Variants in DPP6 observed in about 807,000 individuals in gnomAD.
The protein encoded by DPP6 is A-type potassium channel modulatory protein DPP6.
In DPP6, 69 loss-of-function variants were observed where a neutral mutation model predicts 122.6. That is an observed-to-expected ratio of 0.56 (90% confidence interval 0.46 to 0.69). The LOEUF is 0.69. Ranked by LOEUF, DPP6 falls within the 30% of genes least tolerant of loss-of-function variation. DPP6 has a pLI of 0.00. For synonymous variants in DPP6, 418 were observed against 433.1 expected (o/e 0.97, Z 0.43); for missense variants, 928 against 1,116.9 (o/e 0.83, Z 2.41).
chr7:154,424,666 C>G (rs921412483), intron 1 of DPP6, among the ~76,000 whole-genome samples: 1 of 152,220 alleles, frequency 6.6e-6, no homozygotes, highest in African/African-American at 2.4e-5. Context: ...GTTCACGTAA[C>G]GTAGCCACAG....
chr7:154,682,274 G>C (rs1014052191), intron 7 of DPP6, among the ~76,000 whole-genome samples: 3 of 152,258 alleles, frequency 2.0e-5, no homozygotes, highest in African/African-American at 7.2e-5. Context: ...AAGGAAGATA[G>C]AGAGTGCTCC....
chr7:154,883,456 CCATA>C (rs1805640507), intron 21 of DPP6: 1 of 119,654 alleles, frequency 8.4e-6, no homozygotes, highest in South Asian at 2.9e-4. Flanking sequence ...ACATGCTCAC[CCATA>C]CACTTGTTCA....
chr7:154,200,481 C>CT (rs1473447608), intron 1 of DPP6, among the ~76,000 whole-genome samples: 1 of 152,074 alleles, frequency 6.6e-6, no homozygotes, highest in East Asian at 1.9e-4. Flanking sequence ...AGACCTGAGT[C>CT]TTTAATAAAC....
chr7:154,505,726 A>G (rs1586482077), intron 3 of DPP6, among the ~76,000 whole-genome samples: 2 of 152,188 alleles, frequency 1.3e-5, no homozygotes, highest in East Asian at 1.9e-4. Context: ...TCACATATCT[A>G]AGGAACAGGC....
chr7:154,817,400 G>C (rs1337621674), intron 16 of DPP6, among the ~76,000 whole-genome samples: 2 of 152,168 alleles, frequency 1.3e-5, no homozygotes, highest in Non-Finnish European at 2.9e-5. Context: ...AACATCATGA[G>C]TGATTTATGA....
intron 1 of DPP6, among the ~76,000 whole-genome samples, chr7:153,922,009 C>T (rs7795571): frequency 0.3 from 46,068 of 152,080 alleles, 6,919 homozygotes; most frequent in Admixed American, 0.35. Context: ...CTATCAGAGC[C>T]GACGGCTTTG....
intron 10 of DPP6, among the ~76,000 whole-genome samples, chr7:154,789,305 T>C (rs980019639): frequency 1.3e-5 from 2 of 152,244 alleles, no homozygotes; most frequent in African/African-American, 4.8e-5. Flanking sequence ...CATGGAAAAT[T>C]ACAATCTTCC....
intron 1 of DPP6, among the ~76,000 whole-genome samples, chr7:154,389,204 G>A (rs1202806245): frequency 6.6e-6 from 1 of 152,152 alleles, no homozygotes; most frequent in Non-Finnish European, 1.5e-5. Flanking sequence ...GAGCACCTGG[G>A]AGGAAAGCAG....
intron 10 of DPP6, among the ~76,000 whole-genome samples, chr7:154,783,170 C>T (rs1797130666): frequency 6.6e-6 from 1 of 152,122 alleles, no homozygotes; most frequent in Non-Finnish European, 1.5e-5. Flanking sequence ...TGCTTTCTCC[C>T]CTAATTGCAT....
At chr7:154,664,446 G>A (rs1838013574) in intron 6 of DPP6, among the ~76,000 whole-genome samples, 1 of 152,176 alleles carries the variant, frequency 6.6e-6, no homozygotes, top group Non-Finnish European at 1.5e-5. Context: ...GTAAGGCAAT[G>A]GAGTTTAAGT....
intron 16 of DPP6, among the ~76,000 whole-genome samples, chr7:154,846,126 G>A (rs940048203): frequency 1.3e-5 from 2 of 151,816 alleles, no homozygotes; most frequent in Non-Finnish European, 2.9e-5. Context: ...TTTTAGTTAT[G>A]CAAATTATTT....
intron 3 of DPP6, among the ~76,000 whole-genome samples, chr7:154,535,880 G>A (rs957783816): frequency 2.0e-5 from 3 of 152,144 alleles, no homozygotes; most frequent in Non-Finnish European, 4.4e-5. Context: ...CCAACTGATA[G>A]TGAAGAAATG....
chr7:153,846,869 A>AT, the DPP6 span, among the ~76,000 whole-genome samples: 23 of 149,298 alleles, frequency 1.5e-4, no homozygotes, highest in South Asian at 4.2e-4. Context: ...ATTTCTTTGT[A>AT]TTTTTTTTTA....
chr7:154,346,599 G>A (rs1217307261), intron 1 of DPP6, among the ~76,000 whole-genome samples: 1 of 152,190 alleles, frequency 6.6e-6, no homozygotes, highest in Non-Finnish European at 1.5e-5. Flanking sequence ...GAGCCACAGT[G>A]CCCAGGCCCT....
At chr7:154,607,561 C>CAAAAAAAAAAAAAAAAAA (rs1162220684) in intron 5 of DPP6, among the ~76,000 whole-genome samples, 1 of 22,380 alleles carries the variant, frequency 4.5e-5, no homozygotes, top group African/African-American at 1.4e-4. Flanking sequence ...GACTCTGTCT[C>CAAAAAAAAAAAAAAAAAA]AAAAAAAAAA....
At chr7:153,939,676 T>C (rs980711164) in intron 1 of DPP6, among the ~76,000 whole-genome samples, 5 of 152,338 alleles carry the variant, frequency 3.3e-5, no homozygotes, top group Admixed American at 6.5e-5. Flanking sequence ...GATAAGAAGG[T>C]GAATAAGACA....
intron 1 of DPP6, among the ~76,000 whole-genome samples, chr7:153,938,675 A>C (rs185814657): frequency 6.6e-6 from 1 of 152,194 alleles, no homozygotes; most frequent in Non-Finnish European, 1.5e-5. Flanking sequence ...GACTTCTCTC[A>C]CACGGCCTCC....
chr7:154,643,424 C>G (rs1003035226), intron 6 of DPP6, among the ~76,000 whole-genome samples: 65 of 150,144 alleles, frequency 4.3e-4, no homozygotes, highest in African/African-American at 1.4e-3. Context: ...AAGATACAGA[C>G]TTATATAATA....
At chr7:154,649,048 A>G (rs1353810493) in intron 6 of DPP6, among the ~76,000 whole-genome samples, 1 of 151,650 alleles carries the variant, frequency 6.6e-6, no homozygotes, top group Admixed American at 6.6e-5. Flanking sequence ...CATCCTCCAT[A>G]CCCCTCCACC....
Sources: gnomAD v4.1 joint callset for allele counts (sites outside exome capture counted in the v4.1 genomes callset) on GRCh38, gnomAD v4.1.1 for gene constraint, MANE v1.5 for transcripts, NCBI Gene and HGNC (gene_info 2026-07-23, HGNC 2026-07-21) for gene names.